The following SCAPER variants were observed in gnomAD, a reference collection of about 807,000 sequenced individuals.
The protein encoded by SCAPER is S phase cyclin A-associated protein in the endoplasmic reticulum.
SCAPER carries 98 observed loss-of-function variants against 182.2 expected under a neutral mutation model. The ratio of observed to expected loss-of-function variants is 0.54; its 90% CI spans 0.46 to 0.64. The LOEUF is 0.64. Among genes scored for constraint, SCAPER ranks in the 30% least tolerant of loss-of-function variants. The probability of loss-of-function intolerance (pLI) is 0.00; values close to 1 mark genes in which losing one functional copy is unlikely to be tolerated. For synonymous variants in SCAPER, 605 were observed against 564.6 expected, an observed-to-expected ratio of 1.07 and a Z score of -1.01; for missense variants, 1,432 against 1,690.0, an observed-to-expected ratio of 0.85 and a Z score of 2.68.
chr15:76,652,367 C>CATAT (rs1226261626), intron 21 of SCAPER, among the ~76,000 whole-genome samples: 7 of 23,858 alleles, frequency 2.9e-4, no homozygotes, highest in East Asian at 2.2e-3. Context: ...CACACACACA[C>CATAT]ACACATATAT....
chr15:76,824,875 A>T (rs912653610), intron 5 of SCAPER, among the ~76,000 whole-genome samples: 2 of 152,210 alleles, frequency 1.3e-5, no homozygotes, highest in South Asian at 2.1e-4. Context: ...TTGTGGGTAA[A>T]TAAAATTTGT....
chr15:76,864,485 G>T (rs1483443702), intron 2 of SCAPER, among the ~76,000 whole-genome samples: 1 of 152,154 alleles, frequency 6.6e-6, no homozygotes, highest in Non-Finnish European at 1.5e-5. Context: ...TCACCTGGGA[G>T]TATGTTACTA....
chr15:76,356,014 G>C (rs1336696749), intron 29 of SCAPER, among the ~76,000 whole-genome samples: 4 of 152,210 alleles, frequency 2.6e-5, no homozygotes. Context: ...ACTTAACCAG[G>C]CTACAGGTAA....
chr15:76,480,565 G>A (rs1413769828), intron 24 of SCAPER, among the ~76,000 whole-genome samples: 1 of 152,236 alleles, frequency 6.6e-6, no homozygotes, highest in Non-Finnish European at 1.5e-5. Flanking sequence ...TTCTAGGCAA[G>A]ATCCTTGTCT....
intron 8 of SCAPER, among the ~76,000 whole-genome samples, chr15:76,794,861 G>A (rs928434811): frequency 6.6e-6 from 1 of 152,130 alleles, no homozygotes; most frequent in Non-Finnish European, 1.5e-5. Context: ...GAAAATGGAT[G>A]TGTGAGCAAA....
At chr15:76,592,716 G>T (rs2049216408) in intron 22 of SCAPER, among the ~76,000 whole-genome samples, 1 of 122,532 alleles carries the variant, frequency 8.2e-6, no homozygotes, top group South Asian at 2.5e-4. Flanking sequence ...GACGCGCAAG[G>T]GTTTGGGGAA....
intron 15 of SCAPER, among the ~76,000 whole-genome samples, chr15:76,739,414 A>C (rs996080802): frequency 6.6e-6 from 1 of 152,188 alleles, no homozygotes; most frequent in Non-Finnish European, 1.5e-5. Flanking sequence ...GCATATCCAA[A>C]TTGCTAGCAT....
At chr15:76,537,251 C>T (rs1308699273) in intron 23 of SCAPER, among the ~76,000 whole-genome samples, 1 of 150,400 alleles carries the variant, frequency 6.6e-6, no homozygotes, top group African/African-American at 2.4e-5. Context: ...AAAGAGCCCG[C>T]ATCGCCAAGG....
intron 1 of SCAPER, among the ~76,000 whole-genome samples, chr15:76,889,847 C>A (rs1313012160): frequency 6.6e-6 from 1 of 152,204 alleles, no homozygotes; most frequent in Non-Finnish European, 1.5e-5. Flanking sequence ...GAACTCTCCA[C>A]CCCAATTCAA....
intron 1 of SCAPER, among the ~76,000 whole-genome samples, chr15:76,889,468 T>C (rs1318898544): frequency 6.6e-6 from 1 of 151,996 alleles, no homozygotes; most frequent in Non-Finnish European, 1.5e-5. Context: ...AACTAAAGTA[T>C]GGAGGAAGAT....
At chr15:76,513,033 C>T (rs1327956317) in intron 23 of SCAPER, among the ~76,000 whole-genome samples, 1 of 152,168 alleles carries the variant, frequency 6.6e-6, no homozygotes, top group East Asian at 1.9e-4. Flanking sequence ...AGACACACTG[C>T]TCAGTATCAT....
chr15:76,541,625 C>T (rs549861833), intron 23 of SCAPER, among the ~76,000 whole-genome samples: 2 of 152,142 alleles, frequency 1.3e-5, no homozygotes, highest in African/African-American at 4.8e-5. Context: ...CTATATGCTT[C>T]TTGTCATAAA....
intron 5 of SCAPER, among the ~76,000 whole-genome samples, chr15:76,820,410 C>CA (rs2067443235): frequency 1.3e-5 from 2 of 151,768 alleles, no homozygotes; most frequent in African/African-American, 4.8e-5. Flanking sequence ...TATGCAGCCA[C>CA]AAAAAATGAT....
chr15:76,456,279 C>G (rs557165479), intron 25 of SCAPER, among the ~76,000 whole-genome samples: 1 of 152,316 alleles, frequency 6.6e-6, no homozygotes, highest in South Asian at 2.1e-4. Context: ...AATTTACACT[C>G]CCACCTGCAG....
At chr15:76,556,818 ATC>A (rs1309337239) in intron 23 of SCAPER, among the ~76,000 whole-genome samples, 4 of 152,192 alleles carry the variant, frequency 2.6e-5, no homozygotes, top group Non-Finnish European at 4.4e-5. Flanking sequence ...AAGTCAAATT[ATC>A]TCTCTTTGCA....
chr15:76,388,061 T>C (rs958341103), intron 27 of SCAPER, among the ~76,000 whole-genome samples: 2 of 152,202 alleles, frequency 1.3e-5, no homozygotes, highest in Non-Finnish European at 2.9e-5. Flanking sequence ...GGAAGTACTG[T>C]GTCCAGCACT....
chr15:76,434,120 G>A lies in SCAPER; in HGVS notation c.3269C>T (p.Ser1090Leu). ...IPTQEMKNKP[S>L]QGDPFNNRVQ... The stretch of plus-strand genomic sequence containing the variant: ...TCGATTGTTAAAAGGATCACCTTGT[G>A]AGGGTTTGTTTTTCATTTCCTGTGT... Residue 1090 changes from serine (S) to leucine (L), a missense_variant, in exon 26 of 32, where the codon TCA becomes TTA. By Grantham distance (145) the Ser-to-Leu change is moderately radical. Transcript: ENST00000563290. 6.2e-7 allele frequency: 1 copy of A among 1,613,970 alleles called. No individual in the cohort carries two copies.
chr15:76,630,001 T>C (rs1319556524), intron 21 of SCAPER, among the ~76,000 whole-genome samples: 1 of 152,222 alleles, frequency 6.6e-6, no homozygotes, highest in Non-Finnish European at 1.5e-5. Flanking sequence ...AGGGTGTTTA[T>C]GTCCAGGAAT....
chr15:76,513,413 TG>T (rs2042194264), intron 23 of SCAPER, among the ~76,000 whole-genome samples: 1 of 152,152 alleles, frequency 6.6e-6, no homozygotes, highest in Non-Finnish European at 1.5e-5. Context: ...CTTCATCTCA[TG>T]GGGACAGAAA....
Sources: gnomAD v4.1 joint callset for allele counts (sites outside exome capture counted in the v4.1 genomes callset) on GRCh38, gnomAD v4.1.1 for gene constraint, MANE v1.5 for transcripts, NCBI Gene and HGNC (gene_info 2026-07-23, HGNC 2026-07-21) for gene names.